CFAP54: variants seen among roughly 807,000 people sequenced by gnomAD.
The protein encoded by CFAP54 is cilia and flagella associated protein 54.
In CFAP54, 290 loss-of-function variants were observed where a neutral mutation model predicts 370.4. The ratio of observed to expected loss-of-function variants is 0.78; its 90% CI spans 0.71 to 0.86. CFAP54 has a LOEUF of 0.86. CFAP54 is among the 40% of genes least tolerant of loss of function. The pLI is 0.00. For synonymous variants in CFAP54, 1,206 were observed against 1,236.5 expected, an observed-to-expected ratio of 0.98 and a Z score of 0.52; for missense variants, 3,399 against 3,528.7, an observed-to-expected ratio of 0.96 and a Z score of 0.93.
rs765146918 is a variant in CFAP54, at chr12:96,742,478, A to G, written c.7111A>G (p.Ile2371Val). 1 of 1,603,776 alleles carries G rather than the reference A, an allele frequency of 6.2e-7. No individual in the cohort carries two copies. The highest frequency in any genetic ancestry group is 8.5e-7 in the Non-Finnish European group (1 of 1,171,450). ...NKDDSEFLDP[I>V]SLNAREYFNI... Reference sequence around the variant, plus strand: ...AGATGACAGTGAGTTTTTAGATCCTATTTCCCTAAATGCCCGAGAATATTT... The same window carrying G: ...AGATGACAGTGAGTTTTTAGATCCTGTTTCCCTAAATGCCCGAGAATATTT... Residue 2371 changes from isoleucine to valine, a missense_variant, in exon 52 of 68, where the codon ATT becomes GTT. Ile to Val is a conservative substitution (Grantham distance 29, BLOSUM62 3). This residue lies in a region of CFAP54 where 2,796 missense variants were observed against 2,869.7 expected (regional missense o/e 0.97). Coordinates refer to ENST00000524981, the MANE Select transcript of CFAP54 (RefSeq NM_001306084.2).
chr12:96,500,927 T>C lies in CFAP54; in HGVS notation c.411T>C (p.Leu137=), dbSNP rs1955018778. Residue 137 remains leucine (L), a synonymous_variant, in exon 2 of 68, where the codon CTT becomes CTC. Coordinates refer to ENST00000524981, the MANE Select transcript of CFAP54 (RefSeq NM_001306084.2). ...NEKLLKVGDS[L]CQMKEYKLAL... is the part of the protein sequence containing the mutation. ...AGCTTCTGAAGGTTGGAGATAGCCTTTGTCAAATGAAAGTAAGTGCCTCTG... is the reference window on the plus strand; with the variant it reads ...AGCTTCTGAAGGTTGGAGATAGCCTCTGTCAAATGAAAGTAAGTGCCTCTG... The C allele has an allele frequency of 1.3e-6, 2 of 1,533,838 alleles. No homozygotes were observed. Among genetic ancestry groups the C allele is most frequent in the African/African-American group, 1.4e-5 (1 of 73,098 alleles).
At chr12:96,768,874 CAG>C (rs889189196) in intron 60 of CFAP54, among the ~76,000 whole-genome samples, 1 of 152,028 alleles carries the variant, frequency 6.6e-6, no homozygotes, top group Non-Finnish European at 1.5e-5. Context: ...TAAATTGACT[CAG>C]GGGAAGCAAA....
At chr12:96,789,067 C>G (rs182861763) in intron 62 of CFAP54, among the ~76,000 whole-genome samples, 5 of 152,290 alleles carry the variant, frequency 3.3e-5, no homozygotes, top group Non-Finnish European at 1.5e-5. Context: ...AATGATCTTC[C>G]TAGTAATGAG....
intron 32 of CFAP54, among the ~76,000 whole-genome samples, chr12:96,641,043 A>T (rs1445586814): frequency 6.6e-6 from 1 of 152,156 alleles, no homozygotes; most frequent in Non-Finnish European, 1.5e-5. Flanking sequence ...AAAACACCAA[A>T]AGCAATGGCA....
At chr12:96,526,686 A>G (rs950690978) in intron 8 of CFAP54, among the ~76,000 whole-genome samples, 1 of 151,482 alleles carries the variant, frequency 6.6e-6, no homozygotes, top group Admixed American at 6.6e-5. Flanking sequence ...AACCATAATA[A>G]ACAACCTTTT....
intron 67 of CFAP54, among the ~76,000 whole-genome samples, chr12:96,865,771 A>C (rs1298186933): frequency 6.6e-6 from 1 of 152,124 alleles, no homozygotes; most frequent in Non-Finnish European, 1.5e-5. Context: ...TTGAACTATG[A>C]TTCTCATCTC....
At chr12:96,493,292 T>A (rs898844932) in intron 1 of CFAP54, among the ~76,000 whole-genome samples, 1 of 152,204 alleles carries the variant, frequency 6.6e-6, no homozygotes, top group Non-Finnish European at 1.5e-5. Context: ...ATGGAGCTTA[T>A]AGTCTAGAGA....
At chr12:96,505,850 G>GATGCATGAGCCTGGA in intron 3 of CFAP54, among the ~76,000 whole-genome samples, 1 of 151,844 alleles carries the variant, frequency 6.6e-6, no homozygotes, top group South Asian at 2.1e-4. Flanking sequence ...CATGAGCCTG[G>GATGCATGAGCCTGGA]TGCATGAGCC....
At chr12:96,549,428 T>G (rs531249166) in intron 15 of CFAP54, among the ~76,000 whole-genome samples, 2 of 152,302 alleles carry the variant, frequency 1.3e-5, no homozygotes, top group Admixed American at 1.3e-4. Context: ...TAAAGATAAT[T>G]TATTACCATC....
At chr12:96,870,056 G>A (rs2136472167) in intron 67 of CFAP54, among the ~76,000 whole-genome samples, 1 of 151,124 alleles carries the variant, frequency 6.6e-6, no homozygotes, top group East Asian at 2.0e-4. Context: ...AAGGTCAAGA[G>A]ATTGAGACCA....
At chr12:96,567,500 G>T (rs965755433) in intron 19 of CFAP54, among the ~76,000 whole-genome samples, 3 of 152,084 alleles carry the variant, frequency 2.0e-5, no homozygotes, top group South Asian at 4.2e-4. Context: ...AGGCCAAGTG[G>T]TGTCTGGTCT....
intron 38 of CFAP54, among the ~76,000 whole-genome samples, chr12:96,661,414 T>C (rs146868992): frequency 9.0e-4 from 137 of 152,324 alleles, no homozygotes; most frequent in African/African-American, 3.2e-3. Context: ...TCAGAGGATT[T>C]ACTACAAGAA....
At chr12:96,752,500 C>G (rs10860088) in intron 55 of CFAP54, among the ~76,000 whole-genome samples, 54,971 of 152,002 alleles carry the variant, frequency 0.36, 10,816 homozygotes, top group East Asian at 0.58. Flanking sequence ...CCTACACTGC[C>G]TTTCTGTTTA....
chr12:96,559,134 T>C (rs1035638345), intron 17 of CFAP54, among the ~76,000 whole-genome samples: 2 of 152,058 alleles, frequency 1.3e-5, no homozygotes, highest in African/African-American at 4.8e-5. Context: ...GAGAATAGCT[T>C]GAACCTGGGA....
intron 13 of CFAP54, 22 bp downstream of exon 13, chr12:96,538,540 T>C (rs1022818746): frequency 3.9e-6 from 6 of 1,529,738 alleles, no homozygotes; most frequent in Non-Finnish European, 5.2e-6. Context: ...GCATTCCCTT[T>C]CACGTGTTTT....
intron 66 of CFAP54, among the ~76,000 whole-genome samples, chr12:96,829,767 T>C (rs1959165141): frequency 6.6e-6 from 1 of 152,014 alleles, no homozygotes; most frequent in African/African-American, 2.4e-5. Context: ...TTCAGTGGCC[T>C]TAAGTATATT....
chr12:96,786,655 AG>A lies in CFAP54; in HGVS notation c.8456-18del. The stretch of plus-strand genomic sequence containing the variant: ...CGTTTTCTAATATGAACCTAAACTA[AG>A]GTATTTTTCTTTCTTAAGCATCTGC... On this transcript the variant is annotated intron_variant, in intron 61 of 67. Coordinates refer to ENST00000524981, the MANE Select transcript of CFAP54 (RefSeq NM_001306084.2). 3 of 1,478,262 alleles carry A rather than the reference AG, an allele frequency of 2.0e-6. No individual in the cohort carries two copies. Among genetic ancestry groups the A allele is most frequent in the Non-Finnish European group, 1.8e-6 (2 of 1,099,988 alleles). The allele number at this position is 1,478,262 out of a possible 1,614,324, so 91.6% of individuals were successfully genotyped here.
chr12:96,776,057 G>A lies in CFAP54; in HGVS notation c.8282-8660G>A, dbSNP rs192586537. Among the ~76,000 whole-genome samples the A allele has an allele frequency of 3.5e-3, 526 of 152,128 alleles. 4 individuals carry two copies. The highest frequency in any genetic ancestry group is 0.012 in the African/African-American group (498 of 41,540). ...ATTATTTCAGATCACTTTACAATAT[G>A]TATACAATAAATTAGGAAACAAAAC... On this transcript the variant is annotated intron_variant, in intron 60 of 67. Coordinates refer to ENST00000524981, the MANE Select transcript of CFAP54 (RefSeq NM_001306084.2).
intron 50 of CFAP54, among the ~76,000 whole-genome samples, chr12:96,726,229 T>G (rs1957833385): frequency 6.6e-6 from 1 of 151,772 alleles, no homozygotes; most frequent in Admixed American, 6.6e-5. Flanking sequence ...TTCTATTGAT[T>G]GGAATAGTTT....
Sources: gnomAD v4.1 joint callset for allele counts (sites outside exome capture counted in the v4.1 genomes callset) on GRCh38, gnomAD v4.1.1 for gene constraint, gnomAD v4.1.1 regional missense constraint, MANE v1.5 for transcripts, NCBI Gene and HGNC (gene_info 2026-07-23, HGNC 2026-07-21) for gene names.